Variants in CSNK1G1 observed in about 807,000 individuals in gnomAD.
CSNK1G1 encodes casein kinase 1 gamma 1, also known as casein kinase I isoform gamma-1.
Under a neutral mutation model 59.6 loss-of-function variants are expected in CSNK1G1, and 22 were observed. The ratio of observed to expected loss-of-function variants is 0.37; its 90% CI spans 0.26 to 0.53. The LOEUF is 0.53. CSNK1G1 is among the 20% of genes least tolerant of loss of function. The probability of loss-of-function intolerance (pLI) is 0.89; values close to 1 mark genes in which losing one functional copy is unlikely to be tolerated. For synonymous variants in CSNK1G1, 179 were observed against 177.1 expected, an observed-to-expected ratio of 1.01 and a Z score of -0.08; for missense variants, 384 against 519.5, an observed-to-expected ratio of 0.74 and a Z score of 2.54.
chr15:64,338,198 C>T (rs908371802), intron 1 of CSNK1G1, among the ~76,000 whole-genome samples: 10 of 152,096 alleles, frequency 6.6e-5, no homozygotes, highest in Non-Finnish European at 1.0e-4. Context: ...ACAATGGCTG[C>T]GGCATTTTAT....
In CSNK1G1 at chr15:64,203,202, A is replaced by G; in HGVS notation, c.1000-13T>C. On this transcript the variant is annotated splice_polypyrimidine_tract_variant and intron_variant, in intron 9 of 11. Transcript: ENST00000303052. ...CTACTGGAGTAGGCTAGAAAAATGA[A>G]ACAAAAAGTCAAATGGGGGAAACAG... 6.3e-7 allele frequency: 1 copy of G among 1,586,168 alleles called. No individual in the cohort carries two copies. Among genetic ancestry groups the G allele is most frequent in the South Asian group, 1.1e-5 (1 of 90,458 alleles).
In CSNK1G1 at chr15:64,300,364, C is replaced by A. The variant is rs754278776; in HGVS notation, c.136G>T (p.Val46Phe). ...TTCCCACATCCTATCTTCTTGCCAACCCTGAAGTTGGGTCCCACCATAAGA... is the reference window on the plus strand; with the variant it reads ...TTCCCACATCCTATCTTCTTGCCAAACCTGAAGTTGGGTCCCACCATAAGA... ...GVLMVGPNFR[V>F]GKKIGCGNFG... The change falls in exon 2 of 12, where the codon GTT becomes TTT. Residue 46 changes from valine to phenylalanine, a missense_variant. Transcript: ENST00000303052. The A allele has an allele frequency of 9.3e-6, 15 of 1,614,074 alleles. No individual in the cohort carries two copies. The highest frequency in any genetic ancestry group is 1.1e-5 in the Non-Finnish European group (13 of 1,180,038).
chr15:64,244,236 G>A (rs1321336183), intron 4 of CSNK1G1, among the ~76,000 whole-genome samples: 4 of 150,928 alleles, frequency 2.7e-5, no homozygotes, highest in African/African-American at 4.9e-5. Context: ...ACAAACTAGT[G>A]GAAAAAAATC....
chr15:64,232,614 A>G (rs564761053), intron 4 of CSNK1G1, among the ~76,000 whole-genome samples: 74 of 152,292 alleles, frequency 4.9e-4, no homozygotes, highest in African/African-American at 1.8e-3. Context: ...ATTAACCTTG[A>G]CATACTATGA....
At chr15:64,352,134 C>T (rs545762190) in intron 1 of CSNK1G1, among the ~76,000 whole-genome samples, 5 of 151,972 alleles carry the variant, frequency 3.3e-5, no homozygotes, top group African/African-American at 7.2e-5. Flanking sequence ...TGGCCAACAC[C>T]GTTTCTACTA....
In CSNK1G1 at chr15:64,336,999, G is replaced by A. The variant is rs143827402; in HGVS notation, c.-225+18989C>T. ...TCCCAGCACTTCAGGAGGCCAAGACGGGTAAATCACCTGAGGTCAGGAGTT... is the reference window on the plus strand; with the variant it reads ...TCCCAGCACTTCAGGAGGCCAAGACAGGTAAATCACCTGAGGTCAGGAGTT... On this transcript the variant is annotated intron_variant, in intron 1 of 11. Transcript: ENST00000303052. Among the ~76,000 whole-genome samples, 344 of 152,034 alleles carry A rather than the reference G, an allele frequency of 2.3e-3. 2 individuals carry two copies. The highest frequency in any genetic ancestry group is 7.8e-3 in the African/African-American group (322 of 41,452).
intron 6 of CSNK1G1, among the ~76,000 whole-genome samples, chr15:64,208,845 A>AT (rs2082215373): frequency 1.3e-5 from 2 of 149,782 alleles, no homozygotes; most frequent in Admixed American, 1.3e-4. Flanking sequence ...CCATGCATTC[A>AT]TTTTGAATTT....
chr15:64,255,876 G>C (rs1253463958), intron 3 of CSNK1G1, among the ~76,000 whole-genome samples: 2 of 152,160 alleles, frequency 1.3e-5, no homozygotes, highest in Non-Finnish European at 2.9e-5. Flanking sequence ...TGTATCTGTA[G>C]GAAGCGCTAT....
At chr15:64,326,853 C>G (rs1292679721) in intron 1 of CSNK1G1, among the ~76,000 whole-genome samples, 2 of 150,988 alleles carry the variant, frequency 1.3e-5, no homozygotes, top group African/African-American at 4.9e-5. Flanking sequence ...GAGGCATTGC[C>G]TCACCTGGGA....
In CSNK1G1 at chr15:64,188,617, C is replaced by G. The variant is rs900376197; in HGVS notation, c.1108-8163G>C. 16 of 666,712 alleles carry G rather than the reference C, an allele frequency of 2.4e-5. 1 individual carries two copies. Among genetic ancestry groups the G allele is most frequent in the Admixed American group, 1.6e-4 (6 of 37,706 alleles). 41.3% of individuals were successfully genotyped at this position (666,712 alleles called of 1,614,324 possible). Reference sequence around the variant, plus strand: ...CGGTTTTGGATTTTAAACTAACAACCACTGGAAAGCAGTGAGGAAAAGTAA... The same window carrying G: ...CGGTTTTGGATTTTAAACTAACAACGACTGGAAAGCAGTGAGGAAAAGTAA... On this transcript the variant is annotated intron_variant, in intron 10 of 11. Coordinates refer to ENST00000303052, the MANE Select transcript of CSNK1G1 (RefSeq NM_022048.5). The surrounding 1 kb of genome is among the most constrained non-coding windows in gnomAD (Gnocchi z 4.2).
Position 64,196,560 on chromosome 15 carries a change from T to G in CSNK1G1, c.1107+6522A>C, listed in dbSNP as rs8038558. On this transcript the variant is annotated intron_variant, in intron 10 of 11. Transcript: ENST00000303052. Reference sequence around the variant, plus strand: ...TCTGCCTCCCGGGTTCAAGTGATTCTTCTGCCTTAGCCTCCCAAGTAGCTG... The same window carrying G: ...TCTGCCTCCCGGGTTCAAGTGATTCGTCTGCCTTAGCCTCCCAAGTAGCTG... Among the ~76,000 whole-genome samples the G allele has an allele frequency of 7.8e-3, 1,185 of 152,230 alleles. 15 individuals carry two copies. The highest frequency in any genetic ancestry group is 0.028 in the African/African-American group (1,143 of 41,536).
chr15:64,273,606 G>C (rs980530340), intron 2 of CSNK1G1, among the ~76,000 whole-genome samples: 13 of 152,094 alleles, frequency 8.5e-5, no homozygotes, highest in Admixed American at 3.9e-4. Context: ...TGTAATGTGA[G>C]GGATAAGGAA....
intron 4 of CSNK1G1, among the ~76,000 whole-genome samples, chr15:64,239,371 T>C (rs1277988721): frequency 6.6e-6 from 1 of 152,138 alleles, no homozygotes; most frequent in African/African-American, 2.4e-5. Flanking sequence ...TATGTTTTTT[T>C]TCTTTGTTTT....
intron 4 of CSNK1G1, among the ~76,000 whole-genome samples, chr15:64,239,368 T>C (rs765237490): frequency 8.5e-5 from 13 of 152,108 alleles, no homozygotes; most frequent in Admixed American, 1.3e-4. Context: ...TTGTATGTTT[T>C]TTTTCTTTGT....
intron 1 of CSNK1G1, among the ~76,000 whole-genome samples, chr15:64,306,990 C>T (rs1251396952): frequency 2.2e-5 from 2 of 90,884 alleles, no homozygotes; most frequent in African/African-American, 4.4e-5. Context: ...GGGAGGGGGG[C>T]GGGTGAACAG....
At chr15:64,327,353 T>C (rs1566949264) in intron 1 of CSNK1G1, among the ~76,000 whole-genome samples, 1 of 150,618 alleles carries the variant, frequency 6.6e-6, no homozygotes, top group Non-Finnish European at 1.5e-5. Context: ...CCTCCTCAAG[T>C]GGGTCCCTGA....
chr15:64,310,021 G>A (rs1188543806), intron 1 of CSNK1G1, among the ~76,000 whole-genome samples: 2 of 151,934 alleles, frequency 1.3e-5, no homozygotes, highest in Non-Finnish European at 2.9e-5. Context: ...GCTGAAGCAG[G>A]AAGATCACTT....
rs996023382 is a variant in CSNK1G1 at position 64,314,579 on chromosome 15, A to C, written c.-224-13856T>G. On this transcript the variant is annotated intron_variant, in intron 1 of 11. Transcript: ENST00000303052. ...TACCACAGAATTAAAAAAAAAAAAA[A>C]AAAACATATCCCTCAGCTGAGATTT... Among the ~76,000 whole-genome samples the C allele has an allele frequency of 2.6e-5, 4 of 151,814 alleles. No individual in the cohort carries two copies. The East Asian group carries it at 5.8e-4, about 22-fold the overall frequency.
chr15:64,231,950 T>C (rs2082556369), intron 4 of CSNK1G1, among the ~76,000 whole-genome samples: 5 of 152,228 alleles, frequency 3.3e-5, no homozygotes, highest in Admixed American at 3.3e-4. Context: ...GAGATCATCT[T>C]ATTTATAATT....
Sources: allele counts gnomAD v4.1 joint callset (sites outside exome capture counted in the v4.1 genomes callset), GRCh38; gene constraint gnomAD v4.1.1; non-coding constraint Gnocchi (gnomAD v3.1); transcripts MANE v1.5; gene names NCBI Gene and HGNC (gene_info 2026-07-23, HGNC 2026-07-21).